The following LPP variants were observed in gnomAD, a reference collection of about 807,000 sequenced individuals.
The protein encoded by LPP is lipoma-preferred partner.
A neutral mutation model predicts 60.4 loss-of-function variants in LPP; 38 were observed. The observed-to-expected ratio is 0.63, with a 90% CI of 0.49 to 0.83. LPP has a LOEUF of 0.83. Ranked by LOEUF, LPP falls within the 40% of genes least tolerant of loss-of-function variation. LPP has a pLI of 0.00. For synonymous variants in LPP, 328 were observed against 290.8 expected (o/e 1.13, Z -1.30); for missense variants, 902 against 783.6 (o/e 1.15, Z -1.80).
intron 2 of LPP, among the ~76,000 whole-genome samples, chr3:188,324,265 C>G (rs149655958): frequency 1.9e-4 from 29 of 152,262 alleles, no homozygotes; most frequent in Middle Eastern, 6.8e-3. Context: ...GCCCTCAAGT[C>G]TTTGGTAATT....
At chr3:188,173,955 T>A (rs1722343705) in intron 1 of LPP, among the ~76,000 whole-genome samples, 1 of 152,178 alleles carries the variant, frequency 6.6e-6, no homozygotes, top group Non-Finnish European at 1.5e-5. Flanking sequence ...ATCTGTAAAG[T>A]GGGTTCACTG....
intron 3 of LPP, among the ~76,000 whole-genome samples, chr3:188,365,178 C>T (rs1770761986): frequency 6.8e-6 from 1 of 146,836 alleles, no homozygotes; most frequent in African/African-American, 2.5e-5. Context: ...TCTTCCTTTT[C>T]CTAGAAGCTA....
intron 9 of LPP, among the ~76,000 whole-genome samples, chr3:188,841,156 T>C (rs1229651844): frequency 2.6e-5 from 4 of 152,134 alleles, no homozygotes; most frequent in Non-Finnish European, 5.9e-5. Context: ...TTGTGAAGTC[T>C]TTTCATCAGC....
At chr3:188,665,288 T>C (rs1211003037) in intron 7 of LPP, among the ~76,000 whole-genome samples, 1 of 152,022 alleles carries the variant, frequency 6.6e-6, no homozygotes, top group Non-Finnish European at 1.5e-5. Flanking sequence ...TTCCAGAAAA[T>C]ATAAAATTGT....
chr3:188,737,241 G>A (rs538833184), intron 8 of LPP, among the ~76,000 whole-genome samples: 2 of 152,320 alleles, frequency 1.3e-5, no homozygotes, highest in Admixed American at 6.5e-5. Flanking sequence ...AACAAGGGAA[G>A]AAATTTGTGA....
chr3:188,800,229 T>A (rs1746644720), intron 9 of LPP, among the ~76,000 whole-genome samples: 1 of 147,270 alleles, frequency 6.8e-6, no homozygotes, highest in Non-Finnish European at 1.5e-5. Context: ...ATTATCTTCA[T>A]GAAATGTTGA....
chr3:188,280,934 T>G (rs76108699), intron 2 of LPP, among the ~76,000 whole-genome samples: 1 of 14,218 alleles, frequency 7.0e-5, no homozygotes, highest in Non-Finnish European at 1.4e-4. Context: ...GACAAAGGAA[T>G]TTTTTTTTTT....
intron 6 of LPP, chr3:188,568,937 A>G (rs942713662): frequency 3.9e-5 from 6 of 151,900 alleles, no homozygotes; most frequent in African/African-American, 1.5e-4. Flanking sequence ...TATATGTCTT[A>G]TTATGAGGTC....
At chr3:188,635,688 CAGA>C (rs1007352342) in intron 7 of LPP, among the ~76,000 whole-genome samples, 1 of 152,132 alleles carries the variant, frequency 6.6e-6, no homozygotes, top group African/African-American at 2.4e-5. Flanking sequence ...AGTGAGAAAT[CAGA>C]AGATGTCCTG....
At chr3:188,607,391 AT>A (rs1560628440) in intron 6 of LPP, among the ~76,000 whole-genome samples, 1,161 of 30,480 alleles carry the variant, frequency 0.038, 63 homozygotes, top group African/African-American at 0.15. Context: ...ATATATATAT[AT>A]ATATATATAT....
rs534750364 is a variant in LPP, at chr3:188,484,255, C to G, written c.194-337C>G. 1.6e-4 allele frequency among the ~76,000 whole-genome samples: 25 copies of G among 152,302 alleles called. No homozygotes were observed. The East Asian group carries it at 4.8e-3, about 29-fold the overall frequency. ...GTTTTGTACAATTTTTCTTCCTCCT[C>G]TATTTGATTGAAAATGTATTGAGGG... is the stretch of plus-strand genomic sequence containing the variant. On this transcript the variant is annotated intron_variant, in intron 4 of 11. Coordinates refer to ENST00000617246, the MANE Select transcript of LPP (RefSeq NM_001375462.1).
intron 1 of LPP, among the ~76,000 whole-genome samples, chr3:188,187,223 A>T (rs995836126): frequency 6.6e-6 from 1 of 152,210 alleles, no homozygotes; most frequent in Admixed American, 6.5e-5. Flanking sequence ...AGCTGAAAAA[A>T]TAAATAATAT....
rs118138662 is a variant in LPP, at chr3:188,844,887, C to T, written c.1411-21313C>T. On this transcript the variant is annotated intron_variant, in intron 9 of 11. Transcript: ENST00000617246. ...GTTGCATTGAGGATCTTAGGTAATACATATAACATTCATGGAACATAAAAT... is the reference window on the plus strand; with the variant it reads ...GTTGCATTGAGGATCTTAGGTAATATATATAACATTCATGGAACATAAAAT... Among the ~76,000 whole-genome samples, 109 of 152,256 alleles carry T rather than the reference C, an allele frequency of 7.2e-4. No individual in the cohort carries two copies. In the East Asian group the frequency reaches 0.016, roughly 22 times the overall value.
chr3:188,352,352 G>A lies in LPP; in HGVS notation c.-10+10633G>A, dbSNP rs143282931. Among the ~76,000 whole-genome samples the A allele has an allele frequency of 2.7e-4, 41 of 152,290 alleles. No individual in the cohort carries two copies. The highest frequency in any genetic ancestry group is 4.1e-4 in the South Asian group (2 of 4,830). ...TCCCCACCTTTGGCAGCTTGTGAGC[G>A]GTGTTGCCATGACACTCCTTGGGCT... On this transcript the variant is annotated intron_variant, in intron 3 of 11. Transcript: ENST00000617246. The surrounding 1 kb of genome is among the most constrained non-coding windows in gnomAD (Gnocchi z 4.4).
At chr3:188,223,179 TC>T (rs1324878542) in intron 1 of LPP, among the ~76,000 whole-genome samples, 1 of 152,218 alleles carries the variant, frequency 6.6e-6, no homozygotes, top group Non-Finnish European at 1.5e-5. Flanking sequence ...TTTTGTGGTG[TC>T]AAAACCATCA....
intron 2 of LPP, among the ~76,000 whole-genome samples, chr3:188,278,826 A>G (rs1233358958): frequency 6.6e-6 from 1 of 152,144 alleles, no homozygotes; most frequent in Non-Finnish European, 1.5e-5. Context: ...GAGGCTGTGT[A>G]ATAACACGCC....
rs144490720 is a variant in LPP at position 188,643,778 on chromosome 3, TG to T, written c.1113+33937del. Among the ~76,000 whole-genome samples, 259 of 152,276 alleles carry T rather than the reference TG, an allele frequency of 1.7e-3. 1 individual carries two copies. Among genetic ancestry groups the T allele is most frequent in the African/African-American group, 6.1e-3 (253 of 41,560 alleles). On this transcript the variant is annotated intron_variant, in intron 7 of 11. Coordinates refer to ENST00000617246, the MANE Select transcript of LPP (RefSeq NM_001375462.1). ...GCGTCTATGTGCTAGGATTTCTGTT[TG>T]GGAGTACAAAAAGCAATGAGATTGT...
chr3:188,287,423 G>A (rs1240590728), intron 2 of LPP, among the ~76,000 whole-genome samples: 1 of 152,172 alleles, frequency 6.6e-6, no homozygotes, highest in Non-Finnish European at 1.5e-5. Flanking sequence ...GCAAAATCAA[G>A]ACTAAAAGCC....
rs140307734 is a variant in LPP, at chr3:188,690,463, G to C, written c.1114-17804G>C. On this transcript the variant is annotated intron_variant, in intron 7 of 11. Transcript: ENST00000617246. ...AAGATAAGTTTTTTTCTTTATTTGT[G>C]GTTTTACATCTAATTTTTCTAATGT... Among the ~76,000 whole-genome samples the C allele has an allele frequency of 6.8e-3, 1,028 of 152,018 alleles. 14 individuals are homozygous for C. Among genetic ancestry groups the C allele is most frequent in the African/African-American group, 0.024 (983 of 41,436 alleles).
Sources: allele counts gnomAD v4.1 joint callset (sites outside exome capture counted in the v4.1 genomes callset), GRCh38; gene constraint gnomAD v4.1.1; non-coding constraint Gnocchi (gnomAD v3.1); transcripts MANE v1.5; gene names NCBI Gene and HGNC (gene_info 2026-07-23, HGNC 2026-07-21).